VPS4B: variants seen among roughly 807,000 people sequenced by gnomAD.
The protein encoded by VPS4B is vacuolar protein sorting-associated protein 4B.
VPS4B carries 23 observed loss-of-function variants against 56.1 expected under a neutral mutation model. The observed-to-expected ratio is 0.41, with a 90% CI of 0.30 to 0.58. The LOEUF is 0.58. Ranked by LOEUF, VPS4B falls within the 20% of genes least tolerant of loss-of-function variation. The pLI is 0.29. For missense variants in VPS4B, 372 were observed against 531.9 expected, an observed-to-expected ratio of 0.70 and a Z score of 2.96; for synonymous variants, 177 against 186.0, an observed-to-expected ratio of 0.95 and a Z score of 0.39.
chr18:63,403,698 T>A lies in VPS4B; in HGVS notation c.484+9A>T. 1.3e-6 allele frequency: 2 copies of A among 1,597,020 alleles called. No homozygotes were observed. The highest frequency in any genetic ancestry group is 1.7e-6 in the Non-Finnish European group (2 of 1,172,896). ...CTCATGAAATAAAATTATTTAAAAG[T>A]TATGTCACCTGTAAAAAGATGAGGA... On this transcript the variant is annotated intron_variant, in intron 5 of 10. Coordinates refer to ENST00000238497, the MANE Select transcript of VPS4B (RefSeq NM_004869.4).
rs1915793190 is a variant in VPS4B at position 63,400,849 on chromosome 18, TTAAATA to T, written c.485-152_485-147del. ...AAAATAAATCAATCTAAGGTATGTCTTAAATATATTTTGTTTCTTCTAGAGACTACT... is the reference window on the plus strand; with the variant it reads ...AAAATAAATCAATCTAAGGTATGTCTTATTTTGTTTCTTCTAGAGACTACT... On this transcript the variant is annotated intron_variant, in intron 5 of 10. Coordinates refer to ENST00000238497, the MANE Select transcript of VPS4B (RefSeq NM_004869.4). 4 of 834,532 alleles carry T rather than the reference TTAAATA, an allele frequency of 4.8e-6. No homozygotes were observed. In the Admixed American group the frequency reaches 1.1e-4, roughly 23 times the overall value. The allele number at this position is 834,532 out of a possible 1,614,324, so 51.7% of individuals were successfully genotyped here. A position where few individuals can be genotyped will look rare whatever the true frequency, so the allele number is the denominator to read the frequency against.
At chr18:63,418,473 G>C (rs2144441493) in intron 1 of VPS4B, among the ~76,000 whole-genome samples, 1 of 151,798 alleles carries the variant, frequency 6.6e-6, no homozygotes, top group Middle Eastern at 3.4e-3. Context: ...ACACGGGTGT[G>C]ATCACGCCTC....
At chr18:63,407,766 G>A (rs1381676654) in intron 3 of VPS4B, among the ~76,000 whole-genome samples, 1 of 152,192 alleles carries the variant, frequency 6.6e-6, no homozygotes, top group Non-Finnish European at 1.5e-5. Flanking sequence ...ATTTAGGTAT[G>A]TATTAATTCA....
At chr18:63,399,436 G>C in intron 7 of VPS4B, 113 bp from the exon 8 acceptor site, 3 of 879,402 alleles carry the variant, frequency 3.4e-6, no homozygotes, top group Non-Finnish European at 5.4e-6. Context: ...GCTTCATCTT[G>C]AGAGTCTGTC....
intron 4 of VPS4B, among the ~76,000 whole-genome samples, chr18:63,406,653 A>G (rs996729770): frequency 3.3e-5 from 5 of 152,250 alleles, no homozygotes; most frequent in African/African-American, 1.2e-4. Flanking sequence ...CTTTTTAGAT[A>G]AACAGTGCTA....
At chr18:63,402,682 A>G (rs1431191965) in intron 5 of VPS4B, among the ~76,000 whole-genome samples, 1 of 152,262 alleles carries the variant, frequency 6.6e-6, no homozygotes, top group Admixed American at 6.5e-5. Context: ...AAAGTGGTAT[A>G]AGTAATATAC....
At chr18:63,404,728 C>T (rs947039280) in intron 4 of VPS4B, 1 of 152,184 alleles carries the variant, frequency 6.6e-6, no homozygotes, top group Non-Finnish European at 1.5e-5. Flanking sequence ...TTAAGTGTAA[C>T]AGAACACCAC....
Position 63,407,423 on chromosome 18 carries a change from T to C in VPS4B, c.364+9A>G, listed in dbSNP as rs370810471. ...GGATAGTAAATTTAAAAATGAAATC[T>C]AAAGCAACCTTGAAGTTGATTCTGT... On this transcript the variant is annotated intron_variant, in intron 4 of 10. Coordinates refer to ENST00000238497, the MANE Select transcript of VPS4B (RefSeq NM_004869.4). 3.8e-6 allele frequency: 6 copies of C among 1,598,972 alleles called. No individual in the cohort carries two copies. In the African/African-American group the frequency reaches 6.8e-5, roughly 18 times the overall value.
At chr18:63,411,960 T>A (rs973349613) in intron 1 of VPS4B, among the ~76,000 whole-genome samples, 2 of 152,154 alleles carry the variant, frequency 1.3e-5, no homozygotes, top group Non-Finnish European at 2.9e-5. Context: ...TCTCAAAAAT[T>A]AAATGCTGCT....
intron 5 of VPS4B, among the ~76,000 whole-genome samples, chr18:63,401,676 G>T (rs77626750): frequency 0.019 from 2,939 of 152,186 alleles, 91 homozygotes; most frequent in African/African-American, 0.068. Context: ...GTTACAGCTG[G>T]CAGTAAACTA....
intron 1 of VPS4B, among the ~76,000 whole-genome samples, chr18:63,412,547 C>T (rs774625113): frequency 3.9e-5 from 6 of 152,072 alleles, no homozygotes; most frequent in African/African-American, 7.2e-5. Flanking sequence ...GGCACCGAGT[C>T]AGGCTTTTTA....
intron 1 of VPS4B, among the ~76,000 whole-genome samples, chr18:63,413,145 A>C (rs916947507): frequency 3.9e-5 from 6 of 152,172 alleles, no homozygotes; most frequent in Non-Finnish European, 7.4e-5. Context: ...GACAAGTAAA[A>C]CTGGGAAAAT....
chr18:63,422,203 C>T, intron 1 of VPS4B, 30 bp downstream of exon 1: 2 of 1,495,090 alleles, frequency 1.3e-6, no homozygotes, highest in Non-Finnish European at 1.8e-6. Context: ...ATCCCAGCTC[C>T]CTAGGGGGAC....
chr18:63,403,452 G>A (rs1915854640), intron 5 of VPS4B, among the ~76,000 whole-genome samples: 1 of 152,176 alleles, frequency 6.6e-6, no homozygotes, highest in African/African-American at 2.4e-5. Context: ...CTATTTTACT[G>A]AGTGCATAGT....
At position 63,416,257 on chromosome 18, in the gene VPS4B, G is replaced by A. The variant is rs1916160006; in HGVS notation, c.28-4679C>T. 1.9e-5 allele frequency: 4 copies of A among 213,258 alleles called. No homozygotes were observed. In the South Asian group the frequency reaches 3.8e-4, roughly 20 times the overall value. The allele number at this position is 213,258 out of a possible 1,614,324, so 13.2% of individuals were successfully genotyped here. A position where few individuals can be genotyped will look rare whatever the true frequency, so the allele number is the denominator to read the frequency against. The stretch of plus-strand genomic sequence containing the variant: ...TGGCCCGGACTACTTCCCTTATACA[G>A]GAGCCCTGTTCCTGCAGCAGCTGTA... On this transcript the variant is annotated intron_variant, in intron 1 of 10. Coordinates refer to ENST00000238497, the MANE Select transcript of VPS4B (RefSeq NM_004869.4).
At chr18:63,406,559 T>C (rs74428331) in intron 4 of VPS4B, among the ~76,000 whole-genome samples, 2,529 of 152,304 alleles carry the variant, frequency 0.017, 64 homozygotes, top group African/African-American at 0.059. Context: ...GAGCAAAAAA[T>C]TCAATCTGAA....
At chr18:63,398,204 C>CACACACACATATATATATAT (rs1298374245) in intron 8 of VPS4B, among the ~76,000 whole-genome samples, 13 of 112,434 alleles carry the variant, frequency 1.2e-4, no homozygotes, top group African/African-American at 4.2e-4. Flanking sequence ...CACACACACA[C>CACACACACATATATATATAT]ATATATATAT....
At chr18:63,417,179 C>T (rs574318441) in intron 1 of VPS4B, among the ~76,000 whole-genome samples, 2 of 152,182 alleles carry the variant, frequency 1.3e-5, no homozygotes, top group African/African-American at 2.4e-5. Context: ...TTTCTCTCCA[C>T]TAGATATTTC....
intron 5 of VPS4B, among the ~76,000 whole-genome samples, chr18:63,401,182 G>A (rs1248716952): frequency 1.3e-5 from 2 of 152,244 alleles, no homozygotes; most frequent in African/African-American, 2.4e-5. Context: ...AAGTTTGGAT[G>A]ACTTGTGAGT....
Sources: allele counts gnomAD v4.1 joint callset (sites outside exome capture counted in the v4.1 genomes callset), GRCh38; gene constraint gnomAD v4.1.1; transcripts MANE v1.5; gene names NCBI Gene and HGNC (gene_info 2026-07-23, HGNC 2026-07-21).